PUM2: variants seen among roughly 807,000 people sequenced by gnomAD.
PUM2 encodes pumilio homolog 2.
PUM2 carries 57 observed loss-of-function variants against 124.5 expected under a neutral mutation model. That is an observed-to-expected ratio of 0.46 (90% CI 0.37 to 0.57). The LOEUF (loss-of-function observed/expected upper bound fraction) is 0.57. Among genes scored for constraint, PUM2 ranks in the 20% least tolerant of loss-of-function variants. The pLI is 0.00. For synonymous variants in PUM2, 460 were observed against 446.1 expected, an observed-to-expected ratio of 1.03 and a Z score of -0.39; for missense variants, 1,065 against 1,290.6, an observed-to-expected ratio of 0.83 and a Z score of 2.68.
chr2:20,310,459 G>C (rs1020019748), intron 5 of PUM2, among the ~76,000 whole-genome samples: 4 of 151,962 alleles, frequency 2.6e-5, no homozygotes, highest in African/African-American at 4.8e-5. Context: ...ATACTCTGAA[G>C]GGTTTATCAT....
At chr2:20,338,382 G>C (rs1243199154) in intron 1 of PUM2, among the ~76,000 whole-genome samples, 1 of 152,134 alleles carries the variant, frequency 6.6e-6, no homozygotes, top group African/African-American at 2.4e-5. Flanking sequence ...GGGCGACAGA[G>C]CAAGACTCTT....
rs530520938 is a variant in PUM2, at chr2:20,348,455, G to A, written c.-19+2142C>T. Among the ~76,000 whole-genome samples, 333 of 152,294 alleles carry A rather than the reference G, an allele frequency of 2.2e-3. 3 individuals are homozygous for A. The highest frequency in any genetic ancestry group is 7.7e-3 in the African/African-American group (322 of 41,556). On this transcript the variant is annotated intron_variant, in intron 1 of 20. Transcript: ENST00000361078. ...ATGTAGAACTTGAGTTTAGGAGACA[G>A]GAATCAACCTCCACTTAAAACTATG...
chr2:20,277,643 T>C (rs1046356248), intron 13 of PUM2, among the ~76,000 whole-genome samples: 6 of 152,108 alleles, frequency 3.9e-5, no homozygotes, highest in Non-Finnish European at 8.8e-5. Flanking sequence ...TAAATAGCTA[T>C]ACCCATGTAA....
At chr2:20,261,683 A>G (rs1193280554) in intron 14 of PUM2, among the ~76,000 whole-genome samples, 1 of 152,158 alleles carries the variant, frequency 6.6e-6, no homozygotes, top group Middle Eastern at 3.2e-3. Context: ...AGTGAAACTG[A>G]TGATCTTTAC....
chr2:20,253,482 T>C (rs1009246744), intron 20 of PUM2, among the ~76,000 whole-genome samples: 1 of 151,830 alleles, frequency 6.6e-6, no homozygotes, highest in Admixed American at 6.6e-5. Context: ...GACTAAAGGG[T>C]TGCACCATGA....
chr2:20,259,151 A>C (rs1275085336), intron 15 of PUM2, among the ~76,000 whole-genome samples: 2 of 152,248 alleles, frequency 1.3e-5, no homozygotes, highest in Non-Finnish European at 2.9e-5. Flanking sequence ...ACACATCTAT[A>C]AATCCAAAGA....
chr2:20,317,146 A>G (rs1681154877), intron 3 of PUM2, among the ~76,000 whole-genome samples: 2 of 152,124 alleles, frequency 1.3e-5, no homozygotes, highest in Non-Finnish European at 2.9e-5. Flanking sequence ...GCAGCGAGCT[A>G]AGATCATGCC....
chr2:20,290,835 G>C (rs777158055), intron 9 of PUM2, 45 bp from the exon 10 acceptor site: 3 of 1,411,750 alleles, frequency 2.1e-6, no homozygotes, highest in Admixed American at 2.6e-5. Context: ...TAAAATAATA[G>C]ATAAGTAAAT....
chr2:20,283,734 T>C (rs1391753041), intron 10 of PUM2, among the ~76,000 whole-genome samples: 3 of 152,192 alleles, frequency 2.0e-5, no homozygotes. Flanking sequence ...AAGAGGTATT[T>C]TCCTTAATAT....
intron 1 of PUM2, among the ~76,000 whole-genome samples, chr2:20,328,326 T>A (rs1198565562): frequency 1.3e-5 from 2 of 151,948 alleles, no homozygotes; most frequent in Non-Finnish European, 2.9e-5. Context: ...AGAGACTCTG[T>A]CTCAAAACAA....
At chr2:20,278,356 TA>T (rs768197339) in intron 13 of PUM2, among the ~76,000 whole-genome samples, 9 of 151,692 alleles carry the variant, frequency 5.9e-5, no homozygotes, top group African/African-American at 2.2e-4. Context: ...TTATATTTCA[TA>T]AAAAAAACAT....
intron 13 of PUM2, among the ~76,000 whole-genome samples, chr2:20,278,140 T>C (rs1670663259): frequency 1.3e-5 from 2 of 152,162 alleles, no homozygotes; most frequent in Non-Finnish European, 2.9e-5. Context: ...CTGAAATAAT[T>C]ATCTGGTAAA....
At chr2:20,253,274 C>T (rs571140520) in intron 20 of PUM2, among the ~76,000 whole-genome samples, 1 of 152,290 alleles carries the variant, frequency 6.6e-6, no homozygotes, top group East Asian at 1.9e-4. Context: ...GGCATGAACA[C>T]AGCCCACTGT....
At chr2:20,261,798 T>C (rs1382449322) in intron 14 of PUM2, among the ~76,000 whole-genome samples, 1 of 152,180 alleles carries the variant, frequency 6.6e-6, no homozygotes, top group Non-Finnish European at 1.5e-5. Context: ...AAGGAAATAT[T>C]TTCGTACAGC....
chr2:20,306,386 A>C (rs1173190060), intron 7 of PUM2, among the ~76,000 whole-genome samples: 1 of 152,282 alleles, frequency 6.6e-6, no homozygotes, highest in East Asian at 1.9e-4. Context: ...AACCCCAAAA[A>C]AGAAGAGTAA....
chr2:20,287,110 C>A (rs1363938267), intron 10 of PUM2, among the ~76,000 whole-genome samples: 1 of 152,074 alleles, frequency 6.6e-6, no homozygotes, highest in African/African-American at 2.4e-5. Context: ...GGAAACACAC[C>A]CCTTCTTAAT....
At chr2:20,315,327 G>C (rs1680630050) in intron 3 of PUM2, among the ~76,000 whole-genome samples, 1 of 152,138 alleles carries the variant, frequency 6.6e-6, no homozygotes, top group Admixed American at 6.5e-5. Context: ...CACAAGTAAT[G>C]TGGTTCTGCT....
At chr2:20,297,801 G>T in intron 7 of PUM2, 123 bp from the exon 8 acceptor site, 2 of 988,352 alleles carry the variant, frequency 2.0e-6, no homozygotes, top group South Asian at 2.0e-5. Context: ...TGTGCATAAT[G>T]GTTCAAATTT....
chr2:20,292,038 A>C (rs1457640234), intron 9 of PUM2, among the ~76,000 whole-genome samples: 1 of 150,552 alleles, frequency 6.6e-6, no homozygotes, highest in African/African-American at 2.5e-5. Flanking sequence ...ATTGCCTGGT[A>C]CATCTGGTAT....
Sources: gnomAD v4.1 joint callset for allele counts (sites outside exome capture counted in the v4.1 genomes callset) on GRCh38, gnomAD v4.1.1 for gene constraint, MANE v1.5 for transcripts, NCBI Gene and HGNC (gene_info 2026-07-23, HGNC 2026-07-21) for gene names.